The following LRP1B variants were observed in gnomAD, a reference collection of about 807,000 sequenced individuals.
LRP1B encodes LDL receptor related protein 1B, also known as low-density lipoprotein receptor-related protein 1B.
A neutral mutation model predicts 556.6 loss-of-function variants in LRP1B; 217 were observed. That is an observed-to-expected ratio of 0.39 (90% CI 0.35 to 0.44). The LOEUF (loss-of-function observed/expected upper bound fraction) is 0.44. Ranked by LOEUF, LRP1B falls within the 20% of genes least tolerant of loss-of-function variation. The probability of loss-of-function intolerance (pLI) is 1.00; values close to 1 mark genes in which losing one functional copy is unlikely to be tolerated. For synonymous variants in LRP1B, 2,047 were observed against 1,865.8 expected, an observed-to-expected ratio of 1.10 and a Z score of -2.50; for missense variants, 5,053 against 5,620.8, an observed-to-expected ratio of 0.90 and a Z score of 3.23.
At chr2:141,914,698 A>C (rs1699986092) in intron 1 of LRP1B, among the ~76,000 whole-genome samples, 2 of 152,170 alleles carry the variant, frequency 1.3e-5, no homozygotes, top group Admixed American at 6.5e-5. Flanking sequence ...CAGCATTTCT[A>C]TACACCAGTA....
chr2:141,368,480 C>G (rs1029742083), intron 3 of LRP1B, among the ~76,000 whole-genome samples: 2 of 152,152 alleles, frequency 1.3e-5, no homozygotes, highest in Non-Finnish European at 2.9e-5. Context: ...CCTTAGCTTT[C>G]GTACTACACA....
intron 66 of LRP1B, among the ~76,000 whole-genome samples, chr2:140,429,660 C>T (rs1362614844): frequency 2.0e-5 from 3 of 152,174 alleles, no homozygotes; most frequent in Non-Finnish European, 4.4e-5. Flanking sequence ...ACAACAACTC[C>T]TTTCCTTCCT....
At chr2:141,484,446 G>T (rs1268416502) in intron 2 of LRP1B, among the ~76,000 whole-genome samples, 6 of 151,678 alleles carry the variant, frequency 4.0e-5, no homozygotes, top group Non-Finnish European at 8.8e-5. Flanking sequence ...GGTGATGTGG[G>T]TTCTTTTTTG....
intron 1 of LRP1B, among the ~76,000 whole-genome samples, chr2:141,856,300 T>C (rs957938235): frequency 2.0e-5 from 3 of 152,164 alleles, no homozygotes; most frequent in African/African-American, 4.8e-5. Context: ...ATCAATTCTA[T>C]AGTCTAAGCG....
At chr2:141,288,081 C>A (rs1416333422) in intron 3 of LRP1B, among the ~76,000 whole-genome samples, 1 of 152,146 alleles carries the variant, frequency 6.6e-6, no homozygotes, top group Non-Finnish European at 1.5e-5. Context: ...ACTATCCCAA[C>A]ACTTTCTTCC....
intron 2 of LRP1B, among the ~76,000 whole-genome samples, chr2:141,493,146 G>A (rs1405241244): frequency 6.6e-6 from 1 of 152,114 alleles, no homozygotes; most frequent in Non-Finnish European, 1.5e-5. Flanking sequence ...GATTGCAGAG[G>A]TTGAATACTT....
At chr2:140,929,092 G>A (rs1417440230) in intron 20 of LRP1B, among the ~76,000 whole-genome samples, 1 of 152,116 alleles carries the variant, frequency 6.6e-6, no homozygotes, top group Non-Finnish European at 1.5e-5. Flanking sequence ...TGTGAAAACG[G>A]ATTTTACAAG....
intron 2 of LRP1B, among the ~76,000 whole-genome samples, chr2:141,657,499 TTTAAA>T: frequency 6.6e-6 from 1 of 152,182 alleles, no homozygotes; most frequent in African/African-American, 2.4e-5. Flanking sequence ...TCTATTAGAA[TTTAAA>T]TTAACTGAAT....
At chr2:141,378,502 C>A (rs999113073) in intron 3 of LRP1B, among the ~76,000 whole-genome samples, 3 of 152,010 alleles carry the variant, frequency 2.0e-5, no homozygotes, top group African/African-American at 7.2e-5. Context: ...TAGTGAGAAA[C>A]CATCTCTAAA....
At chr2:141,960,773 TAAATA>T (rs762043992) in intron 1 of LRP1B, among the ~76,000 whole-genome samples, 1 of 151,850 alleles carries the variant, frequency 6.6e-6, no homozygotes, top group Non-Finnish European at 1.5e-5. Flanking sequence ...TTCTATACAT[TAAATA>T]AAACACTGAT....
At chr2:141,000,909 TCTTTC>T (rs1697401120) in intron 15 of LRP1B, among the ~76,000 whole-genome samples, 1 of 36,256 alleles carries the variant, frequency 2.8e-5, no homozygotes, top group African/African-American at 9.5e-5. Flanking sequence ...TCTGTCAATA[TCTTTC>T]CTATATCAAT....
Position 141,696,861 on chromosome 2 carries a change from T to G in LRP1B, c.205+113418A>C, listed in dbSNP as rs530668592. 2.0e-5 allele frequency among the ~76,000 whole-genome samples: 3 copies of G among 152,072 alleles called. No individual in the cohort carries two copies. In the East Asian group the frequency reaches 5.8e-4, roughly 30 times the overall value. ...CACCTTCAAAGACGGACATTAATAG[T>G]TTGCCACCTGGCAATGAGCAATAGT... On this transcript the variant is annotated intron_variant, in intron 2 of 90. Coordinates refer to ENST00000389484, the MANE Select transcript of LRP1B (RefSeq NM_018557.3).
At chr2:142,017,011 A>G (rs1182249614) in intron 1 of LRP1B, among the ~76,000 whole-genome samples, 4 of 151,434 alleles carry the variant, frequency 2.6e-5, no homozygotes, top group African/African-American at 7.3e-5. Context: ...TATATATGAA[A>G]GAGTACGTGT....
rs143109157 is a variant in LRP1B at position 141,214,941 on chromosome 2, T to C, written c.850+14242A>G. 3.4e-3 allele frequency among the ~76,000 whole-genome samples: 523 copies of C among 152,370 alleles called. 4 individuals are homozygous for C. Among genetic ancestry groups the C allele is most frequent in the African/African-American group, 0.012 (499 of 41,586 alleles). The stretch of plus-strand genomic sequence containing the variant: ...CTCAGCCACCCTTCCTTGTTTATGC[T>C]AAATTTATTCTAAAAACAGATAGGC... On this transcript the variant is annotated intron_variant, in intron 6 of 90. Coordinates refer to ENST00000389484, the MANE Select transcript of LRP1B (RefSeq NM_018557.3).
intron 66 of LRP1B, among the ~76,000 whole-genome samples, chr2:140,407,607 G>A (rs1384773788): frequency 6.6e-6 from 1 of 152,032 alleles, no homozygotes; most frequent in Non-Finnish European, 1.5e-5. Context: ...TCAGGGAAAT[G>A]TAAATTAAAA....
chr2:140,552,445 A>C (rs1248129896), intron 43 of LRP1B, among the ~76,000 whole-genome samples: 1 of 152,180 alleles, frequency 6.6e-6, no homozygotes, highest in Admixed American at 6.6e-5. Flanking sequence ...TATTAAATTT[A>C]GTCCATAATT....
At chr2:140,820,575 G>A (rs1278429014) in intron 31 of LRP1B, among the ~76,000 whole-genome samples, 1 of 150,216 alleles carries the variant, frequency 6.7e-6, no homozygotes, top group Non-Finnish European at 1.5e-5. Flanking sequence ...AGAAATAGAG[G>A]AAAAACCAGA....
intron 86 of LRP1B, among the ~76,000 whole-genome samples, chr2:140,262,543 C>T (rs988080924): frequency 2.0e-5 from 3 of 152,134 alleles, no homozygotes; most frequent in African/African-American, 7.2e-5. Flanking sequence ...AATGTTTCTT[C>T]TTGTGGAATC....
chr2:141,371,569 G>A (rs1423161147), intron 3 of LRP1B, among the ~76,000 whole-genome samples: 1 of 151,978 alleles, frequency 6.6e-6, no homozygotes, highest in Admixed American at 6.6e-5. Flanking sequence ...TTTTGTAGTT[G>A]TCTTTGTAGA....
Sources: allele counts gnomAD v4.1 joint callset (sites outside exome capture counted in the v4.1 genomes callset), GRCh38; gene constraint gnomAD v4.1.1; transcripts MANE v1.5; gene names NCBI Gene and HGNC (gene_info 2026-07-23, HGNC 2026-07-21).